The following ZFP90 variants were observed in gnomAD, a reference collection of about 807,000 sequenced individuals.
The protein encoded by ZFP90 is ZFP90 zinc finger protein.
ZFP90 carries 38 observed loss-of-function variants against 60.8 expected under a neutral mutation model. That is an observed-to-expected ratio of 0.62 (90% CI 0.48 to 0.82). The LOEUF is 0.82. ZFP90 is among the 40% of genes least tolerant of loss of function. The pLI is 0.00. For missense variants in ZFP90, 711 were observed against 759.1 expected, an observed-to-expected ratio of 0.94 and a Z score of 0.74; for synonymous variants, 287 against 264.8, an observed-to-expected ratio of 1.08 and a Z score of -0.82.
In ZFP90 at chr16:68,566,070, C is replaced by G; in HGVS notation, c.*1372C>G. The stretch of plus-strand genomic sequence containing the variant: ...GATCACTGGAACCCGGGAGCAGAGA[C>G]TGCAGTGAGCTGAGATCACACTACT... On this transcript the variant is annotated 3_prime_UTR_variant, in exon 5 of 5. Coordinates refer to ENST00000563169, the MANE Select transcript of ZFP90 (RefSeq NM_001305203.2). 5 of 959,020 alleles carry G rather than the reference C, an allele frequency of 5.2e-6. No individual in the cohort carries two copies. Among genetic ancestry groups the G allele is most frequent in the Non-Finnish European group, 6.2e-6 (5 of 805,828 alleles). 59.4% of individuals were successfully genotyped at this position (959,020 alleles called of 1,614,324 possible). A position where few individuals can be genotyped will look rare whatever the true frequency, so the allele number is the denominator to read the frequency against.
chr16:68,535,955 C>T (rs2090957544), upstream of ZFP90, among the ~76,000 whole-genome samples: 1 of 152,186 alleles, frequency 6.6e-6, no homozygotes, highest in Non-Finnish European at 1.5e-5. Flanking sequence ...CCCGGCTCTG[C>T]TTCAGCTTCC....
chr16:68,567,352 T>C (rs2091543222), downstream of ZFP90, among the ~76,000 whole-genome samples: 1 of 152,204 alleles, frequency 6.6e-6, no homozygotes, highest in Non-Finnish European at 1.5e-5. Context: ...GTTCTTGTCT[T>C]TGCCCAGCAT....
chr16:68,558,177 G>A (rs2091376975), intron 3 of ZFP90, 53 bp downstream of exon 3: 2 of 1,601,856 alleles, frequency 1.2e-6, no homozygotes, highest in Non-Finnish European at 1.7e-6. Context: ...TTCCTTCCTT[G>A]GTTGCTATAG....
rs754131954 is a variant in ZFP90 at position 68,564,578 on chromosome 16, T to C, written c.1791T>C (p.His597=). 6.8e-6 allele frequency: 11 copies of C among 1,614,032 alleles called. No individual in the cohort carries two copies. The South Asian group carries it at 1.1e-4, about 16-fold the overall frequency. The change falls in exon 5 of 5, where the codon CAT becomes CAC. Residue 597 remains histidine, a synonymous_variant. Coordinates refer to ENST00000563169, the MANE Select transcript of ZFP90 (RefSeq NM_001305203.2). Reference sequence around the variant, plus strand: ...CCTTCCGAAAAAAAACCAACCTGCATGATCATCAGAGAATTCATACTGGAG... The same window carrying C: ...CCTTCCGAAAAAAAACCAACCTGCACGATCATCAGAGAATTCATACTGGAG... ...GRAFRKKTNL[H]DHQRIHTGEK...
intron 2 of ZFP90, among the ~76,000 whole-genome samples, chr16:68,541,279 C>G (rs1200675620): frequency 6.6e-6 from 1 of 151,978 alleles, no homozygotes; most frequent in African/African-American, 2.4e-5. Flanking sequence ...GTCAATTGAT[C>G]CGCCCACGTT....
chr16:68,570,200 G>GGTCTTTGT (rs1232347895), downstream of ZFP90, among the ~76,000 whole-genome samples: 1 of 152,044 alleles, frequency 6.6e-6, no homozygotes, highest in Non-Finnish European at 1.5e-5. Flanking sequence ...ACTCCAATCA[G>GGTCTTTGT]GTCTTTGTGT....
rs776256828 is a variant in ZFP90, at chr16:68,563,763, G to A, written c.976G>A (p.Val326Ile). 5.0e-6 allele frequency: 8 copies of A among 1,613,890 alleles called. No individual in the cohort carries two copies. Among genetic ancestry groups the A allele is most frequent in the Admixed American group, 1.7e-5 (1 of 59,960 alleles). ...AGCCTTCCAGCGCAGCTCCTCCCTT[G>A]TTCAACACCAGCGAATTCACACTGG... ...GKAFQRSSSL[V>I]QHQRIHTGEK... Residue 326 changes from valine to isoleucine, a missense_variant, in exon 5 of 5, where the codon GTT becomes ATT. By Grantham distance (29) the Val-to-Ile change is conservative (BLOSUM62 3). Around this residue, in one of 5 missense-constraint regions of ZFP90, gnomAD observed 146 missense variants for 201.4 expected, o/e 0.73. Transcript: ENST00000563169.
At chr16:68,534,336 C>G (rs2090946490), upstream of ZFP90, among the ~76,000 whole-genome samples, 1 of 148,374 alleles carries the variant, frequency 6.7e-6, no homozygotes. Flanking sequence ...TCAAGTGATT[C>G]TCCTGCCTCA....
At chr16:68,545,650 T>C (rs1403201774) in intron 2 of ZFP90, among the ~76,000 whole-genome samples, 2 of 151,076 alleles carry the variant, frequency 1.3e-5, no homozygotes, top group East Asian at 4.0e-4. Flanking sequence ...CCGTCTCTAA[T>C]AAAAATACAA....
chr16:68,557,128 T>C (rs772748607), intron 2 of ZFP90: 1 of 450,702 alleles, frequency 2.2e-6, no homozygotes, highest in Non-Finnish European at 4.5e-6. Context: ...GCTGGGACTG[T>C]AGGCACACAC....
chr16:68,537,605 G>A (rs1009790016), upstream of ZFP90, among the ~76,000 whole-genome samples: 1 of 151,836 alleles, frequency 6.6e-6, no homozygotes, highest in Non-Finnish European at 1.5e-5. Context: ...TCGCTTTGTC[G>A]CCCAGGTCGG....
chr16:68,565,369 T>TA lies in ZFP90; in HGVS notation c.*672dup. ...AAAATAAATTTTAAGATGTATCAGA[T>TA]ACACAAACATTTAATGGGCACCTAT... is the stretch of plus-strand genomic sequence containing the variant. On this transcript the variant is annotated 3_prime_UTR_variant, in exon 5 of 5. Transcript: ENST00000563169. The TA allele has an allele frequency of 1.0e-6, 1 of 985,622 alleles. No homozygotes were observed. The highest frequency in any genetic ancestry group is 4.7e-5 in the South Asian group (1 of 21,292). The allele number at this position is 985,622 out of a possible 1,614,324, so 61.1% of individuals were successfully genotyped here.
intron 4 of ZFP90, chr16:68,562,760 T>C: frequency 1.7e-6 from 1 of 589,990 alleles, no homozygotes; most frequent in Non-Finnish European, 2.9e-6. Context: ...GTTCCATTTG[T>C]ATCTGTGCCT....
At chr16:68,548,147 T>C (rs569379999) in intron 2 of ZFP90, among the ~76,000 whole-genome samples, 43 of 152,212 alleles carry the variant, frequency 2.8e-4, no homozygotes, top group South Asian at 1.9e-3. Context: ...TTTTTTAATA[T>C]CTGTATTACT....
At chr16:68,537,139 T>A (rs1011158252), upstream of ZFP90, among the ~76,000 whole-genome samples, 3 of 152,060 alleles carry the variant, frequency 2.0e-5, no homozygotes, top group Non-Finnish European at 4.4e-5. Flanking sequence ...GGCTTTTTTT[T>A]TTTTGAGACA....
At chr16:68,567,224 C>A, downstream of ZFP90, 1 of 910,902 alleles carries the variant, frequency 1.1e-6, no homozygotes, top group Non-Finnish European at 1.3e-6. Context: ...AAACTCATCA[C>A]AGCCAGGTGA....
chr16:68,554,223 G>C (rs1187674258), intron 2 of ZFP90, among the ~76,000 whole-genome samples: 2 of 151,876 alleles, frequency 1.3e-5, no homozygotes, highest in Non-Finnish European at 1.5e-5. Context: ...CCGGGTTCAA[G>C]TGATTCTCCT....
chr16:68,537,176 A>G (rs1366523017), upstream of ZFP90, among the ~76,000 whole-genome samples: 1 of 151,262 alleles, frequency 6.6e-6, no homozygotes, highest in Non-Finnish European at 1.5e-5. Context: ...CCCAGGTTGG[A>G]GTGCAGTGGT....
chr16:68,561,530 A>C (rs1361957217), intron 4 of ZFP90, among the ~76,000 whole-genome samples: 1 of 152,168 alleles, frequency 6.6e-6, no homozygotes, highest in Non-Finnish European at 1.5e-5. Context: ...ACACTATAAA[A>C]ACTCAGATTT....
Sources: allele counts gnomAD v4.1 joint callset (sites outside exome capture counted in the v4.1 genomes callset), GRCh38; gene constraint gnomAD v4.1.1; regional missense constraint gnomAD v4.1.1; transcripts MANE v1.5; gene names NCBI Gene and HGNC (gene_info 2026-07-23, HGNC 2026-07-21).